Variants in RASGRF2 observed in about 807,000 individuals in gnomAD.
The protein encoded by RASGRF2 is Ras protein specific guanine nucleotide releasing factor 2.
Under a neutral mutation model 151.0 loss-of-function variants are expected in RASGRF2, and 76 were observed. The ratio of observed to expected loss-of-function variants is 0.50; its 90% CI spans 0.42 to 0.61. The LOEUF (loss-of-function observed/expected upper bound fraction) is 0.61, where lower values mean the gene tolerates loss of function less well. Among genes scored for constraint, RASGRF2 ranks in the 20% least tolerant of loss-of-function variants. The pLI is 0.00. For missense variants in RASGRF2, 1,148 were observed against 1,564.6 expected (o/e 0.73, Z 4.49); for synonymous variants, 504 against 566.5 (o/e 0.89, Z 1.57).
At chr5:81,128,054 T>G (rs977838018) in intron 17 of RASGRF2, among the ~76,000 whole-genome samples, 1 of 151,912 alleles carries the variant, frequency 6.6e-6, no homozygotes, top group African/African-American at 2.4e-5. Context: ...AGATACTGCA[T>G]GATCTCACTT....
chr5:81,057,792 C>CA (rs1751275085), intron 2 of RASGRF2, among the ~76,000 whole-genome samples: 1 of 151,982 alleles, frequency 6.6e-6, no homozygotes, highest in Admixed American at 6.6e-5. Context: ...CTCAGGAGTT[C>CA]AAGACCAGCC....
intron 15 of RASGRF2, among the ~76,000 whole-genome samples, chr5:81,115,079 A>T (rs1052432102): frequency 6.6e-6 from 1 of 152,220 alleles, no homozygotes; most frequent in Non-Finnish European, 1.5e-5. Flanking sequence ...TGATAATATA[A>T]TAAAAATTGG....
intron 9 of RASGRF2, chr5:81,087,472 A>T (rs1272595804): frequency 1.6e-6 from 1 of 624,982 alleles, no homozygotes; most frequent in Non-Finnish European, 2.9e-6. Flanking sequence ...AATGTCTCTG[A>T]TGGACACTTG....
chr5:81,067,889 A>G, intron 2 of RASGRF2, 143 bp from the exon 3 acceptor site: 1 of 613,086 alleles, frequency 1.6e-6, no homozygotes, highest in East Asian at 3.3e-5. Flanking sequence ...ATGTAAGCTG[A>G]AAGTTAACAT....
At position 80,981,343 on chromosome 5, in the gene RASGRF2, C is replaced by G. The variant is rs1371339245; in HGVS notation, c.288+20317C>G. On this transcript the variant is annotated intron_variant, in intron 1 of 26. Transcript: ENST00000265080. Reference sequence around the variant, plus strand: ...GGTTTTGCTTTAAAAATTGTGGTACCTGTACTTTCTGATAGCTTAAAAAAA... The same window carrying G: ...GGTTTTGCTTTAAAAATTGTGGTACGTGTACTTTCTGATAGCTTAAAAAAA... Among the ~76,000 whole-genome samples the G allele has an allele frequency of 4.8e-4, 73 of 151,886 alleles. 2 individuals carry two copies. Among genetic ancestry groups the G allele is most frequent in the Non-Finnish European group, 8.8e-5 (6 of 67,994 alleles).
At chr5:81,211,242 A>G (rs534654950) in intron 22 of RASGRF2, among the ~76,000 whole-genome samples, 1 of 151,708 alleles carries the variant, frequency 6.6e-6, no homozygotes, top group East Asian at 1.9e-4. Flanking sequence ...TGTATTCCCA[A>G]ACCCCACCGT....
At chr5:81,107,308 G>C (rs1752873049) in intron 12 of RASGRF2, among the ~76,000 whole-genome samples, 1 of 152,100 alleles carries the variant, frequency 6.6e-6, no homozygotes, top group African/African-American at 2.4e-5. Context: ...GTTACGGTGA[G>C]CTATGATTGT....
chr5:81,152,052 A>G (rs1202253191), intron 17 of RASGRF2, among the ~76,000 whole-genome samples: 1 of 152,102 alleles, frequency 6.6e-6, no homozygotes, highest in Non-Finnish European at 1.5e-5. Context: ...CCCAGGCTGG[A>G]GTGCAGTGGC....
At chr5:81,207,496 C>T (rs1020051487) in intron 21 of RASGRF2, 147 bp downstream of exon 21, 27 of 682,910 alleles carry the variant, frequency 4.0e-5, no homozygotes, top group Admixed American at 7.6e-5. Context: ...GGAACTGGCA[C>T]GCCTCTGTGT....
At chr5:81,003,640 G>A (rs958244828) in intron 1 of RASGRF2, among the ~76,000 whole-genome samples, 2 of 152,180 alleles carry the variant, frequency 1.3e-5, no homozygotes, top group Admixed American at 6.5e-5. Flanking sequence ...GAGATTACAG[G>A]CATGAGCCAT....
chr5:81,219,749 A>T lies in RASGRF2; in HGVS notation c.3592A>T (p.Thr1198Ser). 6.2e-7 allele frequency: 1 copy of T among 1,611,382 alleles called. No individual in the cohort carries two copies. Among genetic ancestry groups the T allele is most frequent in the South Asian group, 1.1e-5 (1 of 90,994 alleles). ...IIREIRQFQQTSYRIDHQPKV... is the reference protein window; with the variant it reads ...IIREIRQFQQSSYRIDHQPKV... Reference sequence around the variant, plus strand: ...CAGAGAGATACGCCAGTTCCAGCAGACTTCCTACAGAATAGATCATCAGCC... The same window carrying T: ...CAGAGAGATACGCCAGTTCCAGCAGTCTTCCTACAGAATAGATCATCAGCC... Residue 1198 changes from threonine (T) to serine (S), a missense_variant, in exon 26 of 27, where the codon ACT (threonine) becomes TCT (serine). By Grantham distance (58) the Thr-to-Ser change is moderately conservative (BLOSUM62 1). This residue lies in a region of RASGRF2 where 100 missense variants were observed against 148.2 expected (regional missense o/e 0.67). Transcript: ENST00000265080.
At chr5:81,178,472 A>G (rs1754833395) in intron 17 of RASGRF2, among the ~76,000 whole-genome samples, 1 of 152,186 alleles carries the variant, frequency 6.6e-6, no homozygotes, top group African/African-American at 2.4e-5. Context: ...GAAAGAGACA[A>G]TTGGATATTG....
chr5:80,994,920 T>G (rs1287367500), intron 1 of RASGRF2, among the ~76,000 whole-genome samples: 1 of 152,148 alleles, frequency 6.6e-6, no homozygotes, highest in Non-Finnish European at 1.5e-5. Context: ...AGTTGTGTAA[T>G]TACCACCACG....
chr5:81,195,920 T>G (rs1366493417), intron 18 of RASGRF2, among the ~76,000 whole-genome samples: 1 of 152,190 alleles, frequency 6.6e-6, no homozygotes, highest in Non-Finnish European at 1.5e-5. Context: ...CATGAGATTA[T>G]GGTTCCTGAC....
intron 1 of RASGRF2, among the ~76,000 whole-genome samples, chr5:81,001,702 G>C (rs536469495): frequency 4.8e-4 from 73 of 152,230 alleles, no homozygotes; most frequent in African/African-American, 1.7e-3. Flanking sequence ...CAACCTTTTC[G>C]AGACAATTGT....
chr5:81,152,063 A>G (rs899616448), intron 17 of RASGRF2, among the ~76,000 whole-genome samples: 2 of 152,028 alleles, frequency 1.3e-5, no homozygotes, highest in African/African-American at 4.8e-5. Flanking sequence ...GTGCAGTGGC[A>G]CGATCTCGGC....
At chr5:81,087,256 C>T in intron 9 of RASGRF2, 1 of 703,078 alleles carries the variant, frequency 1.4e-6, no homozygotes, top group Non-Finnish European at 2.6e-6. Flanking sequence ...GTCGGCCTGG[C>T]CCACGGCCGT....
At chr5:80,980,458 G>A (rs975002210) in intron 1 of RASGRF2, among the ~76,000 whole-genome samples, 9 of 152,084 alleles carry the variant, frequency 5.9e-5, no homozygotes, top group South Asian at 2.1e-4. Flanking sequence ...TGGCCAACAC[G>A]GTGAAACCCC....
chr5:81,216,843 C>G (rs780168837), intron 24 of RASGRF2: 1 of 325,158 alleles, frequency 3.1e-6, no homozygotes, highest in Non-Finnish European at 6.2e-6. Flanking sequence ...AAAACAGTGT[C>G]TCACCTTAGT....
Sources: allele counts gnomAD v4.1 joint callset (sites outside exome capture counted in the v4.1 genomes callset), GRCh38; gene constraint gnomAD v4.1.1; regional missense constraint gnomAD v4.1.1; transcripts MANE v1.5; gene names NCBI Gene and HGNC (gene_info 2026-07-23, HGNC 2026-07-21).